The following MCEE variants were observed in gnomAD, a reference collection of about 807,000 sequenced individuals.
The protein encoded by MCEE is methylmalonyl-CoA epimerase, also known as methylmalonyl-CoA epimerase, mitochondrial.
A neutral mutation model predicts 12.9 loss-of-function variants in MCEE; 6 were observed. That is an observed-to-expected ratio of 0.47 (90% confidence interval 0.26 to 0.92). The LOEUF (loss-of-function observed/expected upper bound fraction) is 0.92, where lower values mean the gene tolerates loss of function less well. MCEE is among the 40% of genes least tolerant of loss of function. The probability of loss-of-function intolerance (pLI) is 0.16; values close to 1 mark genes in which losing one functional copy is unlikely to be tolerated. For missense variants in MCEE, 214 were observed against 212.1 expected (o/e 1.01, Z -0.05); for synonymous variants, 78 against 77.9 (o/e 1.00, Z -0.01).
intron 2 of MCEE, chr2:71,116,668 T>A (rs1175806094): frequency 6.7e-6 from 1 of 149,460 alleles, no homozygotes; most frequent in African/African-American, 2.6e-5. Flanking sequence ...TGCCTCGGCC[T>A]CCCGAGTAAC....
chr2:71,119,228 C>T (rs1236341667), intron 2 of MCEE, among the ~76,000 whole-genome samples: 1 of 150,362 alleles, frequency 6.7e-6, no homozygotes, highest in Admixed American at 6.6e-5. Flanking sequence ...GTTGTGCGAA[C>T]ATCACCACAC....
intron 1 of MCEE, among the ~76,000 whole-genome samples, chr2:71,127,430 T>A (rs902040501): frequency 6.6e-6 from 1 of 152,258 alleles, no homozygotes; most frequent in African/African-American, 2.4e-5. Flanking sequence ...CATTAGATGT[T>A]AAATTTGTAT....
At chr2:71,126,642 G>C (rs979325598) in intron 1 of MCEE, among the ~76,000 whole-genome samples, 1 of 150,800 alleles carries the variant, frequency 6.6e-6, no homozygotes, top group East Asian at 1.9e-4. Context: ...CAAGCAAACT[G>C]GGTAGAGAAC....
rs781731483 is a variant in MCEE at position 71,124,553 on chromosome 2, T to A, written c.41-10A>T. The A allele has an allele frequency of 6.2e-7, 1 of 1,604,352 alleles. No individual in the cohort carries two copies. Among genetic ancestry groups the A allele is most frequent in the South Asian group, 1.1e-5 (1 of 90,878 alleles). On this transcript the variant is annotated splice_polypyrimidine_tract_variant and intron_variant, in intron 1 of 2. Transcript: ENST00000244217. ...AGTCTGGAAAAAAGCCCTGAAAAAT[T>A]GAACAGCCATTGATATCCTTCTTTT...
intron 2 of MCEE, among the ~76,000 whole-genome samples, chr2:71,114,926 T>C (rs1352652740): frequency 1.3e-5 from 2 of 152,234 alleles, no homozygotes; most frequent in Non-Finnish European, 2.9e-5. Context: ...AATCATGACT[T>C]TTTCCATAGT....
chr2:71,114,659 T>A (rs1170135258), intron 2 of MCEE, among the ~76,000 whole-genome samples: 1 of 152,228 alleles, frequency 6.6e-6, no homozygotes, highest in South Asian at 2.1e-4. Context: ...TGTGTATAGA[T>A]GGTGCCAAAA....
In MCEE at chr2:71,126,834, G is replaced by A. The variant is rs557660237; in HGVS notation, c.41-2291C>T. Among the ~76,000 whole-genome samples the A allele has an allele frequency of 2.0e-5, 3 of 152,278 alleles. No individual in the cohort carries two copies. The East Asian group carries it at 5.8e-4, about 29-fold the overall frequency. Reference sequence around the variant, plus strand: ...GTATCTTTAAGGTATACAATGTGATGTTTTAATAAATGCATAAATTATGAA... The same window carrying A: ...GTATCTTTAAGGTATACAATGTGATATTTTAATAAATGCATAAATTATGAA... On this transcript the variant is annotated intron_variant, in intron 1 of 2. Transcript: ENST00000244217.
intron 1 of MCEE, among the ~76,000 whole-genome samples, chr2:71,128,453 A>G (rs1280201035): frequency 6.6e-6 from 1 of 152,192 alleles, no homozygotes; most frequent in Non-Finnish European, 1.5e-5. Context: ...GATAACCCAA[A>G]TGTCTATCAA....
chr2:71,121,468 G>T (rs1673100107), intron 2 of MCEE, among the ~76,000 whole-genome samples: 1 of 152,160 alleles, frequency 6.6e-6, no homozygotes, highest in African/African-American at 2.4e-5. Flanking sequence ...GATGATGGGG[G>T]TATTATACTA....
chr2:71,125,922 G>A (rs565846527), intron 1 of MCEE, among the ~76,000 whole-genome samples: 1 of 152,242 alleles, frequency 6.6e-6, no homozygotes, highest in Admixed American at 6.5e-5. Flanking sequence ...ATACATAAAT[G>A]TACAATTGAA....
chr2:71,124,554 G>A lies in MCEE; in HGVS notation c.41-11C>T. Reference sequence around the variant, plus strand: ...GTCTGGAAAAAAGCCCTGAAAAATTGAACAGCCATTGATATCCTTCTTTTG... The same window carrying A: ...GTCTGGAAAAAAGCCCTGAAAAATTAAACAGCCATTGATATCCTTCTTTTG... On this transcript the variant is annotated splice_polypyrimidine_tract_variant and intron_variant, in intron 1 of 2. Transcript: ENST00000244217. The A allele has an allele frequency of 6.2e-7, 1 of 1,603,816 alleles. No individual in the cohort carries two copies. Among genetic ancestry groups the A allele is most frequent in the Non-Finnish European group, 8.5e-7 (1 of 1,171,246 alleles).
In MCEE at chr2:71,124,356, C is replaced by G. The variant is rs767329950; in HGVS notation, c.228G>C (p.Ala76=). The part of the protein sequence containing the change: ...KNILGAQVSE[A]VPLPEHGVSV... ...ATACTCCATGTTCAGGAAGAGGGAC[C>G]GCTTCACTTACCTGGGCCCCCAGAA... is the stretch of plus-strand genomic sequence containing the variant. The change falls in exon 2 of 3, where the codon GCG becomes GCC. Residue 76 remains alanine, a synonymous_variant. Coordinates refer to ENST00000244217, the MANE Select transcript of MCEE (RefSeq NM_032601.4). 11 of 1,614,028 alleles carry G rather than the reference C, an allele frequency of 6.8e-6. No homozygotes were observed. Among genetic ancestry groups the G allele is most frequent in the Non-Finnish European group, 9.3e-6 (11 of 1,180,024 alleles).
intron 2 of MCEE, among the ~76,000 whole-genome samples, chr2:71,116,101 G>A (rs1343463458): frequency 2.0e-5 from 3 of 149,814 alleles, no homozygotes; most frequent in African/African-American, 7.6e-5. Context: ...TTTTTTTTGA[G>A]ATGGAGTCTT....
At chr2:71,111,540 C>T (rs1672884897) in intron 2 of MCEE, among the ~76,000 whole-genome samples, 1 of 152,156 alleles carries the variant, frequency 6.6e-6, no homozygotes, top group South Asian at 2.1e-4. Context: ...AAACTATCCC[C>T]ACCTCTGTGT....
intron 1 of MCEE, among the ~76,000 whole-genome samples, chr2:71,125,203 A>ATT (rs1222185444): frequency 0.016 from 663 of 42,574 alleles, 6 homozygotes; most frequent in African/African-American, 0.054. Flanking sequence ...ATATATATAT[A>ATT]TATATATATT....
intron 2 of MCEE, among the ~76,000 whole-genome samples, chr2:71,123,769 C>T (rs925117317): frequency 3.3e-5 from 5 of 152,000 alleles, no homozygotes; most frequent in African/African-American, 7.3e-5. Context: ...TTTGTAATAA[C>T]GAAGAAGTTA....
At position 71,124,423 on chromosome 2, in the gene MCEE, G is replaced by C. The variant is rs1485385277; in HGVS notation, c.161C>G (p.Ala54Gly). 6.2e-7 allele frequency: 1 copy of C among 1,614,142 alleles called. No individual in the cohort carries two copies. The change falls in exon 2 of 3, where the codon GCA (alanine) becomes GGA (glycine). Residue 54 changes from alanine to glycine, a missense_variant. Transcript: ENST00000244217. ...NLGRLNHVAI[A>G]VPDLEKAAAF... is the part of the protein sequence containing the mutation. The stretch of plus-strand genomic sequence containing the variant: ...TGCAGCCTTTTCCAAATCTGGCACT[G>C]CTATGGCTACATGGTTGAGTCGACC...
chr2:71,111,930 C>G (rs559439231), intron 2 of MCEE, among the ~76,000 whole-genome samples: 1 of 152,222 alleles, frequency 6.6e-6, no homozygotes, highest in African/African-American at 2.4e-5. Flanking sequence ...TGTATTTTGT[C>G]TAGGTTGCTT....
chr2:71,112,430 TGCC>T (rs1193673090), intron 2 of MCEE, among the ~76,000 whole-genome samples: 2 of 90,390 alleles, frequency 2.2e-5, no homozygotes, highest in African/African-American at 9.1e-5. Context: ...CCACTGCACC[TGCC>T]TTTTTTTTTT....
Sources: allele counts gnomAD v4.1 joint callset (sites outside exome capture counted in the v4.1 genomes callset), GRCh38; gene constraint gnomAD v4.1.1; transcripts MANE v1.5; gene names NCBI Gene and HGNC (gene_info 2026-07-23, HGNC 2026-07-21).